DYNLL1: variants seen among roughly 807,000 people sequenced by gnomAD.
DYNLL1 encodes dynein light chain 1, cytoplasmic.
DYNLL1 carries 3 observed loss-of-function variants against 10.1 expected under a neutral mutation model. That is an observed-to-expected ratio of 0.30 (90% CI 0.14 to 0.77). The LOEUF (loss-of-function observed/expected upper bound fraction) is 0.77. Ranked by LOEUF, DYNLL1 falls within the 30% of genes least tolerant of loss-of-function variation. The pLI, the probability that DYNLL1 is intolerant of heterozygous loss-of-function variation, is 0.66. For missense variants in DYNLL1, 47 were observed against 111.7 expected, an observed-to-expected ratio of 0.42 and a Z score of 2.61; for synonymous variants, 46 against 41.2, an observed-to-expected ratio of 1.12 and a Z score of -0.45.
intron 1 of DYNLL1, among the ~76,000 whole-genome samples, chr12:120,487,132 A>G (rs1372408185): frequency 2.0e-5 from 3 of 150,214 alleles, no homozygotes; most frequent in East Asian, 1.9e-4. Context: ...CCGCCACCAC[A>G]CCCGGCTAAT....
chr12:120,492,719 A>G (rs1432506150), upstream of DYNLL1, among the ~76,000 whole-genome samples: 1 of 152,214 alleles, frequency 6.6e-6, no homozygotes, highest in Non-Finnish European at 1.5e-5. This position sits in a 1 kb window ranked among gnomAD's most constrained non-coding sequence, Gnocchi z 4.1. Context: ...TGTGGCAAGA[A>G]TGAAAAATGC....
intron 1 of DYNLL1, among the ~76,000 whole-genome samples, chr12:120,486,479 T>C (rs1049685649): frequency 6.6e-6 from 1 of 152,090 alleles, no homozygotes; most frequent in Non-Finnish European, 1.5e-5. Flanking sequence ...GTTTCTGTTT[T>C]TGTTTTTGAG....
At position 120,496,490 on chromosome 12, in the gene DYNLL1, G is replaced by T; in HGVS notation, c.69G>T (p.Glu23Asp). ...AAGAGATGCAACAGGACTCGGTGGA[G>T]TGCGCTACTCAGGCGCTGGAGAAAT... ...MSEEMQQDSV[E>D]CATQALEKYN... The change falls in exon 2 of 3, where the codon GAG becomes GAT. Residue 23 changes from glutamate to aspartate, a missense_variant. By Grantham distance (45) the Glu-to-Asp change is conservative. Transcript: ENST00000242577. The T allele has an allele frequency of 6.2e-7, 1 of 1,614,218 alleles. No individual in the cohort carries two copies. The highest frequency in any genetic ancestry group is 1.1e-5 in the South Asian group (1 of 91,090).
At chr12:120,496,764 T>G in intron 2 of DYNLL1, 2 of 669,990 alleles carry the variant, frequency 3.0e-6, no homozygotes, top group Non-Finnish European at 4.9e-6. Flanking sequence ...TTTTTTTAAT[T>G]ACCCAGCTCC....
rs1365013274 is a variant in DYNLL1 at position 120,496,147 on chromosome 12, T to C, written c.-76T>C. 2.0e-5 allele frequency: 11 copies of C among 546,018 alleles called. No homozygotes were observed. Among genetic ancestry groups the C allele is most frequent in the Admixed American group, 3.3e-5 (1 of 29,866 alleles). 33.8% of individuals were successfully genotyped at this position (546,018 alleles called of 1,614,324 possible). A position where few individuals can be genotyped will look rare whatever the true frequency, so the allele number is the denominator to read the frequency against. On this transcript the variant is annotated 5_prime_UTR_variant, in exon 1 of 3. Transcript: ENST00000242577. ...ACGGTTTCGGTAGCGACGGTATCTC[T>C]AGCCGGGCCTGAGCTGTGCTAGCAC...
At chr12:120,492,612 G>C (rs1310011258), upstream of DYNLL1, among the ~76,000 whole-genome samples, 1 of 152,126 alleles carries the variant, frequency 6.6e-6, no homozygotes, top group African/African-American at 2.4e-5. The surrounding 1 kb of genome is among the most constrained non-coding windows in gnomAD (Gnocchi z 4.1). Context: ...TCAGGAACCT[G>C]TGCCTTGGAG....
intron 1 of DYNLL1, among the ~76,000 whole-genome samples, chr12:120,476,532 T>A (rs1275424762): frequency 6.6e-6 from 1 of 152,174 alleles, no homozygotes; most frequent in Non-Finnish European, 1.5e-5. Flanking sequence ...TGTAATTCCA[T>A]CCTTCTCATG....
Position 120,496,519 on chromosome 12 carries a change from A to G in DYNLL1, c.98A>G (p.Asn33Ser). The G allele has an allele frequency of 2.5e-6, 4 of 1,614,176 alleles. No homozygotes were observed. Among genetic ancestry groups the G allele is most frequent in the South Asian group, 1.1e-5 (1 of 91,092 alleles). ...GCTACTCAGGCGCTGGAGAAATACAACATAGAGAAGGACATTGCGGCTCAT... is the reference window on the plus strand; with the variant it reads ...GCTACTCAGGCGCTGGAGAAATACAGCATAGAGAAGGACATTGCGGCTCAT... ...ECATQALEKY[N>S]IEKDIAAHIK... The change falls in exon 2 of 3, where the codon AAC (asparagine) becomes AGC (serine). Residue 33 changes from asparagine (N) to serine (S), a missense_variant. Coordinates refer to ENST00000242577, the MANE Select transcript of DYNLL1 (RefSeq NM_003746.3).
upstream of DYNLL1, among the ~76,000 whole-genome samples, chr12:120,492,672 G>A (rs1157493970): frequency 2.0e-5 from 3 of 152,182 alleles, no homozygotes; most frequent in Non-Finnish European, 2.9e-5. The surrounding 1 kb of genome is among the most constrained non-coding windows in gnomAD (Gnocchi z 4.1). Flanking sequence ...TCCAAAGCCC[G>A]TGCTCTCAGA....
intron 1 of DYNLL1, among the ~76,000 whole-genome samples, chr12:120,476,294 T>C (rs574995921): frequency 2.1e-5 from 3 of 144,568 alleles, no homozygotes; most frequent in African/African-American, 8.0e-5. Context: ...AAAACAAGTA[T>C]GGGAATTATC....
chr12:120,489,158 G>A (rs1018682370), intron 1 of DYNLL1, among the ~76,000 whole-genome samples: 4 of 152,164 alleles, frequency 2.6e-5, no homozygotes, highest in South Asian at 4.1e-4. Context: ...CACGTACTCC[G>A]CCCTCAGTGG....
At position 120,484,169 on chromosome 12, in the gene DYNLL1, G is replaced by C. The variant is rs562167823; in HGVS notation, c.-6-12247G>C. 3.9e-5 allele frequency among the ~76,000 whole-genome samples: 6 copies of C among 152,232 alleles called. No individual in the cohort carries two copies. In the East Asian group the frequency reaches 7.7e-4, roughly 20 times the overall value. On this transcript the variant is annotated intron_variant, in intron 1 of 2. Transcript: ENST00000392509. ...TTTAAAAGAATATGACAGCATGTTT[G>C]CACGCTGGTGGGAATAATCCAGTAG...
chr12:120,474,950 A>C (rs1030113223), intron 1 of DYNLL1, among the ~76,000 whole-genome samples: 1 of 152,244 alleles, frequency 6.6e-6, no homozygotes, highest in Non-Finnish European at 1.5e-5. Context: ...GGAAAGCTAC[A>C]TAATAAAGAA....
chr12:120,486,365 T>G (rs1185707986), intron 1 of DYNLL1, among the ~76,000 whole-genome samples: 1 of 152,124 alleles, frequency 6.6e-6, no homozygotes, highest in East Asian at 1.9e-4. Flanking sequence ...CCTAAGATGA[T>G]AAGTTTGGGG....
rs183626228 is a variant in DYNLL1, at chr12:120,480,854, G to T, written c.-7+10750G>T. Among the ~76,000 whole-genome samples, 777 of 151,874 alleles carry T rather than the reference G, an allele frequency of 5.1e-3. 9 individuals are homozygous for T. Among genetic ancestry groups the T allele is most frequent in the South Asian group, 0.012 (58 of 4,802 alleles). On this transcript the variant is annotated intron_variant, in intron 1 of 2. Coordinates refer to the DYNLL1 transcript ENST00000392509. ...GGCTCACTGCAAGCTCCGCCTCCCG[G>T]GTTCACGTCATTCTCCTGCCTCAGC...
At position 120,487,060 on chromosome 12, in the gene DYNLL1, T is replaced by C. The variant is rs961568156; in HGVS notation, c.-6-9356T>C. 2.3e-4 allele frequency among the ~76,000 whole-genome samples: 35 copies of C among 149,074 alleles called. 1 individual carries two copies. The highest frequency in any genetic ancestry group is 4.0e-4 in the Admixed American group (6 of 14,992). ...CGCCATCTCGGCTCACTGCAAGCTC[T>C]GCCTCCCAGGTTCACACCATTGTCC... On this transcript the variant is annotated intron_variant, in intron 1 of 2. Transcript: ENST00000392509.
Position 120,488,848 on chromosome 12 carries a change from G to A in DYNLL1, c.-6-7568G>A, listed in dbSNP as rs143359550. Among the ~76,000 whole-genome samples the A allele has an allele frequency of 3.3e-5, 5 of 152,272 alleles. No homozygotes were observed. The East Asian group carries it at 9.7e-4, about 29-fold the overall frequency. Reference sequence around the variant, plus strand: ...GGATTGCTTGAACCCAGGAGGCGGAGGTTGTGGTGAGCCAAGATCATGCCA... The same window carrying A: ...GGATTGCTTGAACCCAGGAGGCGGAAGTTGTGGTGAGCCAAGATCATGCCA... On this transcript the variant is annotated intron_variant, in intron 1 of 2. Coordinates refer to the DYNLL1 transcript ENST00000392509.
In DYNLL1 at chr12:120,498,171, C is replaced by T; in HGVS notation, c.231C>T (p.Tyr77=). The stretch of plus-strand genomic sequence containing the variant: ...AAACCAAACACTTCATCTACTTCTA[C>T]CTGGGCCAAGTGGCCATTCTTCTGT... The part of the protein sequence containing the change: ...THETKHFIYF[Y]LGQVAILLFK... Residue 77 remains tyrosine (Y), a synonymous_variant, in exon 3 of 3, where the codon TAC becomes TAT. Coordinates refer to ENST00000242577, the MANE Select transcript of DYNLL1 (RefSeq NM_003746.3). 6.2e-7 allele frequency: 1 copy of T among 1,614,062 alleles called. No homozygotes were observed. The highest frequency in any genetic ancestry group is 2.2e-5 in the East Asian group (1 of 44,884).
intron 1 of DYNLL1, among the ~76,000 whole-genome samples, chr12:120,477,953 A>C (rs1000386945): frequency 6.7e-6 from 1 of 149,642 alleles, no homozygotes; most frequent in Non-Finnish European, 1.5e-5. Context: ...ATGCCTGGCT[A>C]ATTTTTTTTT....
Sources: gnomAD v4.1 joint callset for allele counts (sites outside exome capture counted in the v4.1 genomes callset) on GRCh38, gnomAD v4.1.1 for gene constraint, Gnocchi (gnomAD v3.1) non-coding constraint, MANE v1.5 for transcripts, NCBI Gene and HGNC (gene_info 2026-07-23, HGNC 2026-07-21) for gene names.